SLC19A1: variants seen among roughly 807,000 people sequenced by gnomAD.
The protein encoded by SLC19A1 is solute carrier family 19 member 1, also known as reduced folate transporter.
SLC19A1 carries 37 observed loss-of-function variants against 35.3 expected under a neutral mutation model. The observed-to-expected ratio is 1.05, with a 90% confidence interval of 0.81 to 1.38. The LOEUF (loss-of-function observed/expected upper bound fraction) is 1.38, where lower values mean the gene tolerates loss of function less well. Ranked by LOEUF, SLC19A1 falls within the 40% of genes most tolerant of loss-of-function variation. SLC19A1 has a pLI of 0.00. For missense variants in SLC19A1, 831 were observed against 826.9 expected (o/e 1.00, Z -0.06); for synonymous variants, 460 against 398.5 (o/e 1.15, Z -1.84).
downstream of SLC19A1, chr21:45,511,274 A>AAGGCGGGC: frequency 9.2e-7 from 1 of 1,081,632 alleles, no homozygotes; most frequent in Non-Finnish European, 1.4e-6. Flanking sequence ...CCAGCCAGGG[A>AAGGCGGGC]AGGCGGGCGG....
intron 1 of SLC19A1, among the ~76,000 whole-genome samples, chr21:45,552,207 G>C (rs111971750): frequency 1.3e-5 from 2 of 152,202 alleles, no homozygotes; most frequent in Non-Finnish European, 2.9e-5. Flanking sequence ...AGAGATCTGC[G>C]ATGGGCCAAA....
intron 5 of SLC19A1, among the ~76,000 whole-genome samples, chr21:45,521,404 T>C (rs2077434836): frequency 6.6e-6 from 1 of 152,238 alleles, no homozygotes; most frequent in African/African-American, 2.4e-5. Context: ...ACCATGTTCA[T>C]GGATTGGAAA....
At chr21:45,506,492 G>T in intron 3 of SLC19A1, 1 of 216,714 alleles carries the variant, frequency 4.6e-6, no homozygotes, top group Non-Finnish European at 9.5e-6. Context: ...TCCAGGACAG[G>T]CCAGCCCCTT....
At chr21:45,545,797 G>C (rs1397505347), upstream of SLC19A1, among the ~76,000 whole-genome samples, 1 of 152,184 alleles carries the variant, frequency 6.6e-6, no homozygotes, top group Admixed American at 6.5e-5. Flanking sequence ...GCCTCAGCCA[G>C]TTTTTCCTCC....
In SLC19A1 at chr21:45,513,851, T is replaced by TG. The variant is rs1434428364; in HGVS notation, c.*1806dup. 2.0e-5 allele frequency: 3 copies of TG among 152,152 alleles called. No homozygotes were observed. The highest frequency in any genetic ancestry group is 2.9e-5 in the Non-Finnish European group (2 of 68,040). 9.4% of individuals were successfully genotyped at this position (152,152 alleles called of 1,614,324 possible). ...GTGTGCACAGGCACGCACGGTTACA[T>TG]GGGGTATGCATGCATGGCCATACAC... is the stretch of plus-strand genomic sequence containing the variant. On this transcript the variant is annotated 3_prime_UTR_variant, in exon 6 of 6. Coordinates refer to ENST00000311124, the MANE Select transcript of SLC19A1 (RefSeq NM_194255.4).
At chr21:45,562,300 G>A (rs558566950) in intron 1 of SLC19A1, among the ~76,000 whole-genome samples, 67 of 152,160 alleles carry the variant, frequency 4.4e-4, no homozygotes, top group Middle Eastern at 3.4e-3. Flanking sequence ...ACACTGACAC[G>A]ACACCACACG....
rs1411773861 is a variant in SLC19A1 at position 45,540,401 on chromosome 21, C to T, written c.-50+1967G>A. ...GTCAGATCCCCACCCACAGGACCCC[C>T]AGGGGCCCGGGAGCCCTGGGTACTT... On this transcript the variant is annotated intron_variant, in intron 1 of 5. Transcript: ENST00000311124. This position sits in a 1 kb window ranked among gnomAD's most constrained non-coding sequence, Gnocchi z 5.5. Among the ~76,000 whole-genome samples, 2 of 152,188 alleles carry T rather than the reference C, an allele frequency of 1.3e-5. No individual in the cohort carries two copies. Among genetic ancestry groups the T allele is most frequent in the Non-Finnish European group, 2.9e-5 (2 of 68,028 alleles).
chr21:45,531,208 A>G (rs189773043), intron 3 of SLC19A1, among the ~76,000 whole-genome samples, 181 bp downstream of exon 3: 12 of 38 alleles, frequency 0.32, 1 homozygote, highest in African/African-American at 0.3. Flanking sequence ...GGGGGCGGGG[A>G]GGGGGAGCCT....
intron 2 of SLC19A1, among the ~76,000 whole-genome samples, chr21:45,536,828 C>T (rs1055903667): frequency 1.5e-4 from 23 of 152,036 alleles, no homozygotes; most frequent in Admixed American, 1.2e-3. Flanking sequence ...GATGGGGTGT[C>T]GGGGTGACCA....
At chr21:45,528,941 G>A (rs1481000559) in intron 4 of SLC19A1, among the ~76,000 whole-genome samples, 1 of 152,238 alleles carries the variant, frequency 6.6e-6, no homozygotes, top group East Asian at 1.9e-4. Flanking sequence ...TTTGCGATGG[G>A]CATCAATGAC....
intron 1 of SLC19A1, among the ~76,000 whole-genome samples, 151 bp from the exon 2 acceptor site, chr21:45,538,159 T>C (rs1448963766): frequency 1.3e-5 from 2 of 152,008 alleles, no homozygotes; most frequent in Non-Finnish European, 2.9e-5. Flanking sequence ...CCTCACCCCG[T>C]AGCACCAAAC....
In SLC19A1 at chr21:45,504,241, G is replaced by A. The variant is rs542523090; in HGVS notation, c.498-5629C>T. 1.0e-4 allele frequency: 91 copies of A among 887,476 alleles called. 3 individuals are homozygous for A. In the South Asian group the frequency reaches 1.4e-3, roughly 14 times the overall value. The allele number at this position is 887,476 out of a possible 1,614,324, so 55.0% of individuals were successfully genotyped here. On this transcript the variant is annotated intron_variant, in intron 3 of 4. Transcript: ENST00000417954. ...CCTGTCCCCGGCTCAGTTTTTGGGG[G>A]ACTCGGCTGATGCAGTGGGAGGTGG...
chr21:45,510,363 C>T (rs936235212), downstream of SLC19A1: 23 of 1,307,158 alleles, frequency 1.8e-5, no homozygotes, highest in East Asian at 1.0e-4. Context: ...CTGGAGGCCA[C>T]CATGTTACAG....
intron 1 of SLC19A1, among the ~76,000 whole-genome samples, chr21:45,561,920 T>G (rs925614402): frequency 5.9e-5 from 9 of 151,572 alleles, no homozygotes; most frequent in African/African-American, 2.2e-4. Context: ...ACCACAAGGT[T>G]AGGAGATCAA....
At chr21:45,559,893 G>C (rs1602965797) in intron 1 of SLC19A1, among the ~76,000 whole-genome samples, 1 of 151,918 alleles carries the variant, frequency 6.6e-6, no homozygotes, top group East Asian at 1.9e-4. Context: ...TGATGATGGG[G>C]GCAGACAGCC....
intron 1 of SLC19A1, among the ~76,000 whole-genome samples, chr21:45,555,118 A>G: frequency 7.6e-6 from 1 of 132,252 alleles, no homozygotes; most frequent in Admixed American, 7.6e-5. Flanking sequence ...CGCGGGTCCC[A>G]GCCCAGCAGC....
At chr21:45,512,241 A>AGAG, downstream of SLC19A1, 1 of 1,612,524 alleles carries the variant, frequency 6.2e-7, no homozygotes, top group Non-Finnish European at 8.5e-7. Context: ...AGGCTGACCG[A>AGAG]GAGCTACTGT....
intron 5 of SLC19A1, among the ~76,000 whole-genome samples, chr21:45,525,385 C>T (rs539259685): frequency 8.5e-5 from 13 of 152,334 alleles, no homozygotes; most frequent in African/African-American, 3.1e-4. Flanking sequence ...CAGAGGCCCG[C>T]GAGAGGTGGG....
chr21:45,514,605 G>A lies in SLC19A1; in HGVS notation c.*1053C>T, dbSNP rs867447799. On this transcript the variant is annotated 3_prime_UTR_variant, in exon 6 of 6. Coordinates refer to ENST00000311124, the MANE Select transcript of SLC19A1 (RefSeq NM_194255.4). ...CTCAGCTCATGGGCACCAAGGCCCT[G>A]CGTGGGCTGGAGGCGGGAGAAGGCT... 4 of 186,790 alleles carry A rather than the reference G, an allele frequency of 2.1e-5. No individual in the cohort carries two copies. Among genetic ancestry groups the A allele is most frequent in the Middle Eastern group, 1.9e-3 (1 of 516 alleles). 11.6% of individuals were successfully genotyped at this position (186,790 alleles called of 1,614,324 possible).
Sources: allele counts gnomAD v4.1 joint callset (sites outside exome capture counted in the v4.1 genomes callset), GRCh38; gene constraint gnomAD v4.1.1; non-coding constraint Gnocchi (gnomAD v3.1); transcripts MANE v1.5; gene names NCBI Gene and HGNC (gene_info 2026-07-23, HGNC 2026-07-21).